Variants in NCOA7 observed in about 807,000 individuals in gnomAD.
NCOA7 encodes the protein 140 kDa estrogen receptor-associated protein.
A neutral mutation model predicts 104.3 loss-of-function variants in NCOA7; 45 were observed. That is an observed-to-expected ratio of 0.43 (90% CI 0.34 to 0.55). The LOEUF is 0.55. Among genes scored for constraint, NCOA7 ranks in the 20% least tolerant of loss-of-function variants. The probability of loss-of-function intolerance (pLI) is 0.02; values close to 1 mark genes in which losing one functional copy is unlikely to be tolerated. For synonymous variants in NCOA7, 398 were observed against 402.3 expected (o/e 0.99, Z 0.13); for missense variants, 1,041 against 1,119.7 (o/e 0.93, Z 1.00).
intron 2 of NCOA7, among the ~76,000 whole-genome samples, chr6:125,836,417 C>G (rs752107861): frequency 7.9e-5 from 12 of 152,138 alleles, no homozygotes; most frequent in Non-Finnish European, 1.6e-4. Flanking sequence ...TCCATACAAA[C>G]AGCAATGAAA....
At chr6:125,819,720 T>G (rs1447817662) in intron 2 of NCOA7, among the ~76,000 whole-genome samples, 1 of 152,212 alleles carries the variant, frequency 6.6e-6, no homozygotes, top group Non-Finnish European at 1.5e-5. Context: ...GTGTCATTTG[T>G]TACACCCCTG....
chr6:125,916,555 C>T (rs769583922), intron 11 of NCOA7, among the ~76,000 whole-genome samples: 6 of 152,196 alleles, frequency 3.9e-5, no homozygotes, highest in Non-Finnish European at 8.8e-5. Context: ...AAAAATAGGT[C>T]TACCCCTCCT....
intron 10 of NCOA7, among the ~76,000 whole-genome samples, chr6:125,912,754 T>G (rs552794324): frequency 6.6e-4 from 100 of 152,310 alleles, no homozygotes; most frequent in African/African-American, 2.3e-3. Context: ...CAAAGGACTA[T>G]GCAAGCCCTG....
At chr6:125,901,515 A>T (rs1162523841) in intron 10 of NCOA7, among the ~76,000 whole-genome samples, 1 of 152,110 alleles carries the variant, frequency 6.6e-6, no homozygotes, top group African/African-American at 2.4e-5. Flanking sequence ...CAGGAGGGGG[A>T]GCACGCAGGT....
intron 1 of NCOA7, among the ~76,000 whole-genome samples, chr6:125,782,300 T>C (rs567957392): frequency 1.1e-4 from 17 of 152,326 alleles, no homozygotes; most frequent in African/African-American, 3.8e-4. Context: ...CATATATGCT[T>C]TCTCTATTTT....
intron 2 of NCOA7, among the ~76,000 whole-genome samples, chr6:125,826,497 G>T (rs552943926): frequency 4.0e-5 from 6 of 151,758 alleles, no homozygotes; most frequent in Admixed American, 2.0e-4. Flanking sequence ...TGACCATTTT[G>T]GTTTTTATAT....
chr6:125,913,088 T>A (rs1487540063), intron 10 of NCOA7, among the ~76,000 whole-genome samples: 1 of 152,218 alleles, frequency 6.6e-6, no homozygotes, highest in Non-Finnish European at 1.5e-5. Context: ...GATCTGTTTC[T>A]TTTATAGCCT....
chr6:125,859,653 A>C (rs1781878070), intron 3 of NCOA7, among the ~76,000 whole-genome samples: 2 of 152,268 alleles, frequency 1.3e-5, no homozygotes, highest in Non-Finnish European at 2.9e-5. Context: ...GGCTTTGCAA[A>C]AATCAAAAGC....
intron 11 of NCOA7, among the ~76,000 whole-genome samples, chr6:125,915,784 A>G (rs1472110970): frequency 6.6e-6 from 1 of 152,140 alleles, no homozygotes; most frequent in African/African-American, 2.4e-5. Flanking sequence ...GATAATAAAT[A>G]TATTTGGCTT....
At chr6:125,846,357 A>G (rs1051054212) in intron 2 of NCOA7, among the ~76,000 whole-genome samples, 1 of 76,848 alleles carries the variant, frequency 1.3e-5, no homozygotes, top group Non-Finnish European at 3.0e-5. Flanking sequence ...AAAAAGAAAA[A>G]AAAATTTTTT....
At chr6:125,817,773 C>T (rs1437170705) in intron 2 of NCOA7, among the ~76,000 whole-genome samples, 4 of 152,162 alleles carry the variant, frequency 2.6e-5, no homozygotes, top group African/African-American at 9.7e-5. Context: ...TTATCAGTTT[C>T]TCCTTTTATG....
At chr6:125,906,688 G>A (rs1036123086) in intron 10 of NCOA7, among the ~76,000 whole-genome samples, 1 of 152,054 alleles carries the variant, frequency 6.6e-6, no homozygotes, top group African/African-American at 2.4e-5. Context: ...GAGGAAGAGG[G>A]GTCAGGGCGG....
In NCOA7 at chr6:125,928,743, A is replaced by G. The variant is rs1174794141; in HGVS notation, c.2801A>G (p.Gln934Arg). 6.2e-7 allele frequency: 1 copy of G among 1,612,908 alleles called. No individual in the cohort carries two copies. The highest frequency in any genetic ancestry group is 1.3e-5 in the African/African-American group (1 of 74,778). Residue 934 changes from glutamine to arginine, a missense_variant, in exon 16 of 16, where the codon CAG (glutamine) becomes CGG (arginine). Physicochemically the swap from Gln to Arg is conservative, Grantham distance 43 (BLOSUM62 1). Around this residue, in one of 2 missense-constraint regions of NCOA7, gnomAD observed 127 missense variants for 177.0 expected, o/e 0.72. Transcript: ENST00000392477. The part of the protein sequence containing the change: ...ILSKKEDFIV[Q>R]DLEVWAFD ...TCCAAAAAGGAAGACTTCATAGTTC[A>G]GGATCTGGAGGTGTGGGCATTTGAT...
At chr6:125,894,169 G>A (rs565668017) in intron 10 of NCOA7, among the ~76,000 whole-genome samples, 52 of 152,114 alleles carry the variant, frequency 3.4e-4, no homozygotes, top group African/African-American at 1.2e-3. Context: ...TTGTTGGAGG[G>A]GGTGGGTGGG....
At chr6:125,876,450 T>A (rs1783385206) in intron 4 of NCOA7, among the ~76,000 whole-genome samples, 1 of 152,220 alleles carries the variant, frequency 6.6e-6, no homozygotes. Context: ...GACTCAATTA[T>A]TTATTATTAA....
intron 10 of NCOA7, among the ~76,000 whole-genome samples, chr6:125,912,477 G>A (rs1786662744): frequency 1.3e-5 from 2 of 152,204 alleles, no homozygotes; most frequent in African/African-American, 4.8e-5. Flanking sequence ...GACAGTGAGA[G>A]ATAAAAAGGT....
chr6:125,836,471 C>T (rs1200067159), intron 2 of NCOA7, among the ~76,000 whole-genome samples: 6 of 152,302 alleles, frequency 3.9e-5, no homozygotes, highest in African/African-American at 1.4e-4. Flanking sequence ...CTGATATACT[C>T]CCTGCAGAGT....
At chr6:125,827,117 G>A (rs180714967) in intron 2 of NCOA7, among the ~76,000 whole-genome samples, 11 of 150,162 alleles carry the variant, frequency 7.3e-5, no homozygotes. Context: ...AACCCCGGAG[G>A]CAGAGGTTGT....
intron 1 of NCOA7, among the ~76,000 whole-genome samples, chr6:125,813,544 C>G (rs974298615): frequency 1.3e-5 from 2 of 151,596 alleles, no homozygotes; most frequent in African/African-American, 4.9e-5. Context: ...CTCCGCCTCC[C>G]AGGTTCAAAT....
Sources: allele counts gnomAD v4.1 joint callset (sites outside exome capture counted in the v4.1 genomes callset), GRCh38; gene constraint gnomAD v4.1.1; regional missense constraint gnomAD v4.1.1; transcripts MANE v1.5; gene names NCBI Gene and HGNC (gene_info 2026-07-23, HGNC 2026-07-21).